HOMER1: variants seen among roughly 807,000 people sequenced by gnomAD.
HOMER1 encodes the protein homer protein homolog 1.
In HOMER1, 3 loss-of-function variants were observed where a neutral mutation model predicts 48.9. The observed-to-expected ratio is 0.06, with a 90% confidence interval of 0.03 to 0.16. The LOEUF is 0.16. Among genes scored for constraint, HOMER1 ranks in the 10% least tolerant of loss-of-function variants. The pLI is 1.00. For synonymous variants in HOMER1, 134 were observed against 146.4 expected (o/e 0.92, Z 0.61); for missense variants, 247 against 411.4 (o/e 0.60, Z 3.46).
chr5:79,377,499 G>A (rs561663990), intron 8 of HOMER1, among the ~76,000 whole-genome samples: 1 of 152,284 alleles, frequency 6.6e-6, no homozygotes, highest in East Asian at 1.9e-4. Flanking sequence ...GAGAAACTAA[G>A]TGACTGACAC....
At chr5:79,424,298 G>A (rs1313869559) in intron 5 of HOMER1, among the ~76,000 whole-genome samples, 1 of 151,828 alleles carries the variant, frequency 6.6e-6, no homozygotes, top group Non-Finnish European at 1.5e-5. Context: ...GAAGAGGTAT[G>A]AATAATTAAA....
chr5:79,406,808 C>T (rs2112227387), intron 5 of HOMER1, among the ~76,000 whole-genome samples: 1 of 152,278 alleles, frequency 6.6e-6, no homozygotes, highest in Non-Finnish European at 1.5e-5. Context: ...GAAACTCCTA[C>T]ACAAGACTCT....
chr5:79,420,435 T>C (rs1750065177), intron 5 of HOMER1, among the ~76,000 whole-genome samples: 1 of 152,182 alleles, frequency 6.6e-6, no homozygotes, highest in Admixed American at 6.5e-5. Flanking sequence ...GAAGGATGAG[T>C]TATGTATGAC....
At chr5:79,427,446 T>C (rs1159111197) in intron 5 of HOMER1, among the ~76,000 whole-genome samples, 3 of 152,160 alleles carry the variant, frequency 2.0e-5, no homozygotes, top group African/African-American at 7.2e-5. Context: ...TGGAGTACAG[T>C]GGCACGATCT....
intron 8 of HOMER1, among the ~76,000 whole-genome samples, chr5:79,389,878 C>G (rs1022279621): frequency 6.6e-6 from 1 of 151,770 alleles, no homozygotes; most frequent in African/African-American, 2.4e-5. Flanking sequence ...AGTATTCTGA[C>G]GAGGTAGAAA....
chr5:79,375,353 A>AGG lies in HOMER1; in HGVS notation c.*655_*656insCC, dbSNP rs1748741972. Reference sequence around the variant, plus strand: ...TATGGAAAAGTAAACTATACAACAGACAAGATTAGAGAACACCAGAGTGTA... The same window carrying AGG: ...TATGGAAAAGTAAACTATACAACAGAGGCAAGATTAGAGAACACCAGAGTGTA... On this transcript the variant is annotated 3_prime_UTR_variant, in exon 9 of 9. Transcript: ENST00000334082. 1 of 152,124 alleles carries AGG rather than the reference A, an allele frequency of 6.6e-6. No homozygotes were observed. The highest frequency in any genetic ancestry group is 1.5e-5 in the Non-Finnish European group (1 of 67,952). The allele number at this position is 152,124 out of a possible 1,614,324, so 9.4% of individuals were successfully genotyped here. A position where few individuals can be genotyped will look rare whatever the true frequency, so the allele number is the denominator to read the frequency against.
chr5:79,389,466 G>T (rs529844207), intron 8 of HOMER1, among the ~76,000 whole-genome samples: 36 of 152,288 alleles, frequency 2.4e-4, no homozygotes, highest in Non-Finnish European at 3.8e-4. Context: ...TGGCCAATAT[G>T]ATGCTATTAA....
chr5:79,379,462 T>A (rs1486142060), intron 8 of HOMER1, among the ~76,000 whole-genome samples: 2 of 114,240 alleles, frequency 1.8e-5, no homozygotes, highest in Non-Finnish European at 3.5e-5. Context: ...ATATATAATA[T>A]ATATTTTATA....
intron 8 of HOMER1, among the ~76,000 whole-genome samples, chr5:79,377,400 A>T (rs923467481): frequency 3.9e-5 from 6 of 152,252 alleles, no homozygotes; most frequent in Non-Finnish European, 8.8e-5. Context: ...GGAGAAAGCC[A>T]ACTATTACAC....
intron 1 of HOMER1, among the ~76,000 whole-genome samples, chr5:79,478,599 T>G (rs1261147455): frequency 6.6e-6 from 1 of 152,092 alleles, no homozygotes; most frequent in Non-Finnish European, 1.5e-5. Context: ...AAACTCACAC[T>G]TTGTGCAATG....
Position 79,373,562 on chromosome 5 carries a change from G to A in HOMER1, c.*2447C>T, listed in dbSNP as rs1748687282. ...TACAGAAATGGAAAAAACTACAGTA[G>A]GCACACAACCTAATTATGACTTGTG... On this transcript the variant is annotated 3_prime_UTR_variant, in exon 9 of 9. Coordinates refer to ENST00000334082, the MANE Select transcript of HOMER1 (RefSeq NM_004272.5). 6.6e-6 allele frequency: 1 copy of A among 151,486 alleles called. No homozygotes were observed. Among genetic ancestry groups the A allele is most frequent in the South Asian group, 2.1e-4 (1 of 4,792 alleles). The allele number at this position is 151,486 out of a possible 1,614,324, so 9.4% of individuals were successfully genotyped here. A position where few individuals can be genotyped will look rare whatever the true frequency, so the allele number is the denominator to read the frequency against.
At chr5:79,472,667 T>C (rs1254331213) in intron 1 of HOMER1, among the ~76,000 whole-genome samples, 1 of 152,004 alleles carries the variant, frequency 6.6e-6, no homozygotes, top group Non-Finnish European at 1.5e-5. Flanking sequence ...ATGTCCCAGC[T>C]ACTCAGGAGA....
rs1752986368 is a variant in HOMER1 at position 79,513,092 on chromosome 5, G to A, written c.-318C>T. The A allele has an allele frequency of 5.1e-6, 2 of 390,794 alleles. No individual in the cohort carries two copies. Among genetic ancestry groups the A allele is most frequent in the Non-Finnish European group, 9.2e-6 (2 of 217,128 alleles). 24.2% of individuals were successfully genotyped at this position (390,794 alleles called of 1,614,324 possible). A position where few individuals can be genotyped will look rare whatever the true frequency, so the allele number is the denominator to read the frequency against. On this transcript the variant is annotated 5_prime_UTR_variant, in exon 1 of 9. Transcript: ENST00000334082. Reference sequence around the variant, plus strand: ...GAAATGCAGAATCCGGCTTCACCGAGTCCTATAAAAAATGAGTTCGCTGGT... The same window carrying A: ...GAAATGCAGAATCCGGCTTCACCGAATCCTATAAAAAATGAGTTCGCTGGT...
At position 79,422,842 on chromosome 5, in the gene HOMER1, T is replaced by C. The variant is rs56297540; in HGVS notation, c.527+16168A>G. ...AAGATGATCTCTTTTTTTTTTTTTT[T>C]TTTTGGCTAGTCAAGTAAAACAGTG... On this transcript the variant is annotated intron_variant, in intron 5 of 8. Transcript: ENST00000334082. Among the ~76,000 whole-genome samples, 713 of 150,104 alleles carry C rather than the reference T, an allele frequency of 4.8e-3. 3 individuals are homozygous for C. The highest frequency in any genetic ancestry group is 0.017 in the African/African-American group (692 of 40,572).
intron 1 of HOMER1, among the ~76,000 whole-genome samples, chr5:79,507,863 T>C (rs1752822483): frequency 6.6e-6 from 1 of 152,246 alleles, no homozygotes; most frequent in African/African-American, 2.4e-5. Context: ...CACTATTTTA[T>C]GACCCATAGT....
At chr5:79,432,022 G>C (rs941562839) in intron 5 of HOMER1, among the ~76,000 whole-genome samples, 4 of 152,130 alleles carry the variant, frequency 2.6e-5, no homozygotes, top group African/African-American at 9.7e-5. Flanking sequence ...AATATGTTTA[G>C]GTGAACCCTG....
intron 8 of HOMER1, among the ~76,000 whole-genome samples, chr5:79,388,147 T>C (rs1194131308): frequency 1.3e-5 from 2 of 151,852 alleles, no homozygotes; most frequent in Non-Finnish European, 2.9e-5. Context: ...GAGCAGACTA[T>C]AAGAAAGGAA....
intron 1 of HOMER1, among the ~76,000 whole-genome samples, chr5:79,481,538 G>A (rs1303442188): frequency 4.6e-5 from 7 of 152,200 alleles, no homozygotes; most frequent in African/African-American, 1.7e-4. Context: ...TTAAAGAGGA[G>A]GGAGCTGAAC....
At chr5:79,421,114 C>G (rs1750086176) in intron 5 of HOMER1, among the ~76,000 whole-genome samples, 1 of 152,150 alleles carries the variant, frequency 6.6e-6, no homozygotes, top group Admixed American at 6.5e-5. Flanking sequence ...TACTTTTGAG[C>G]TCTTTATTTT....
Sources: gnomAD v4.1 joint callset for allele counts (sites outside exome capture counted in the v4.1 genomes callset) on GRCh38, gnomAD v4.1.1 for gene constraint, MANE v1.5 for transcripts, NCBI Gene and HGNC (gene_info 2026-07-23, HGNC 2026-07-21) for gene names.